FSTL4: variants seen among roughly 807,000 people sequenced by gnomAD.
The protein encoded by FSTL4 is follistatin-related protein 4.
In FSTL4, 28 loss-of-function variants were observed where a neutral mutation model predicts 78.2. That is an observed-to-expected ratio of 0.36 (90% CI 0.27 to 0.49). The LOEUF (loss-of-function observed/expected upper bound fraction) is 0.49, where lower values mean the gene tolerates loss of function less well. Among genes scored for constraint, FSTL4 ranks in the 20% least tolerant of loss-of-function variants. The pLI, the probability that FSTL4 is intolerant of heterozygous loss-of-function variation, is 0.98. For synonymous variants in FSTL4, 422 were observed against 440.5 expected (o/e 0.96, Z 0.53); for missense variants, 922 against 1,084.9 (o/e 0.85, Z 2.11).
the FSTL4 span, among the ~76,000 whole-genome samples, chr5:133,839,648 G>A: frequency 6.6e-6 from 1 of 152,172 alleles, no homozygotes; most frequent in African/African-American, 2.4e-5. Context: ...GCTCTTGCGG[G>A]ACTGTGGAGC....
chr5:133,611,855 C>A lies in FSTL4; in HGVS notation c.-11+470G>T, dbSNP rs1761101597. On this transcript the variant is annotated intron_variant, in intron 1 of 15. Transcript: ENST00000265342. This position sits in a 1 kb window ranked among gnomAD's most constrained non-coding sequence, Gnocchi z 4.9. Reference sequence around the variant, plus strand: ...GTGCTGAGAATGCCTGCCCGGCGCCCCAACCCGGAGCCAAGGGCACCGGGC... The same window carrying A: ...GTGCTGAGAATGCCTGCCCGGCGCCACAACCCGGAGCCAAGGGCACCGGGC... Among the ~76,000 whole-genome samples the A allele has an allele frequency of 1.3e-5, 2 of 152,108 alleles. No individual in the cohort carries two copies. The highest frequency in any genetic ancestry group is 1.3e-4 in the Admixed American group (2 of 15,286).
intron 4 of FSTL4, among the ~76,000 whole-genome samples, chr5:133,385,933 GT>G (rs945859579): frequency 4.0e-5 from 6 of 151,352 alleles, no homozygotes; most frequent in African/African-American, 1.5e-4. Flanking sequence ...ATGTGTGTGT[GT>G]TTTTTTTTTA....
chr5:133,651,882 G>C, the FSTL4 span, among the ~76,000 whole-genome samples: 1 of 152,068 alleles, frequency 6.6e-6, no homozygotes, highest in Non-Finnish European at 1.5e-5. Context: ...TTAAATGTTT[G>C]ATAGAATTCA....
Position 133,249,441 on chromosome 5 carries a change from G to A in FSTL4, c.863C>T (p.Thr288Ile). 6.2e-7 allele frequency: 1 copy of A among 1,614,012 alleles called. No individual in the cohort carries two copies. The highest frequency in any genetic ancestry group is 1.7e-5 in the Admixed American group (1 of 60,032). The change falls in exon 7 of 16, where the codon ACC (threonine) becomes ATC (isoleucine). Residue 288 changes from threonine to isoleucine, a missense_variant. Coordinates refer to ENST00000265342, the MANE Select transcript of FSTL4 (RefSeq NM_015082.2). ...GTCTTCCAAGTCCAGGAAGTTCAGG[G>A]TGAGCCCGTTGCGCTTCCAGATGAT... ...PPIIWKRNGL[T>I]LNFLDLEDIN...
At chr5:133,833,375 T>G in the FSTL4 span, among the ~76,000 whole-genome samples, 1 of 152,254 alleles carries the variant, frequency 6.6e-6, no homozygotes, top group Non-Finnish European at 1.5e-5. Flanking sequence ...TACTTTATTT[T>G]TTGTAGTACC....
intron 6 of FSTL4, among the ~76,000 whole-genome samples, chr5:133,277,871 A>G (rs1196640272): frequency 6.6e-6 from 1 of 152,216 alleles, no homozygotes; most frequent in Non-Finnish European, 1.5e-5. Context: ...GATAAAGAAC[A>G]GCCAGTCCGG....
chr5:133,556,004 C>T (rs1003865475), intron 3 of FSTL4, among the ~76,000 whole-genome samples: 1 of 152,196 alleles, frequency 6.6e-6, no homozygotes, highest in Admixed American at 6.5e-5. Flanking sequence ...TTGGGGTTCT[C>T]TACTCCCCTT....
At chr5:133,526,726 G>C (rs577234648) in intron 3 of FSTL4, among the ~76,000 whole-genome samples, 1 of 152,148 alleles carries the variant, frequency 6.6e-6, no homozygotes, top group Non-Finnish European at 1.5e-5. Flanking sequence ...GGGAGCTGGG[G>C]ATGAGGACTT....
At chr5:133,616,302 A>AAAATCT (rs1761196065), upstream of FSTL4, among the ~76,000 whole-genome samples, 1 of 135,104 alleles carries the variant, frequency 7.4e-6, no homozygotes, top group Non-Finnish European at 1.6e-5. Flanking sequence ...AAATAATGTG[A>AAAATCT]AAATCTAAAT....
At chr5:133,313,956 A>G (rs1753844981) in intron 5 of FSTL4, among the ~76,000 whole-genome samples, 2 of 152,116 alleles carry the variant, frequency 1.3e-5, no homozygotes, top group Non-Finnish European at 2.9e-5. Context: ...GACTTTAACT[A>G]TATTAAATTT....
At chr5:133,493,439 G>C (rs187208055) in intron 3 of FSTL4, among the ~76,000 whole-genome samples, 1 of 152,306 alleles carries the variant, frequency 6.6e-6, no homozygotes, top group Non-Finnish European at 1.5e-5. Flanking sequence ...TAAATTCAAT[G>C]TGGTTCAAAG....
At chr5:133,592,386 A>G (rs902656486) in intron 2 of FSTL4, among the ~76,000 whole-genome samples, 1 of 152,242 alleles carries the variant, frequency 6.6e-6, no homozygotes, top group African/African-American at 2.4e-5. Flanking sequence ...CTTTACTTGT[A>G]ACACAAGAAC....
chr5:133,766,460 A>G, the FSTL4 span, among the ~76,000 whole-genome samples: 1 of 152,236 alleles, frequency 6.6e-6, no homozygotes, highest in African/African-American at 2.4e-5. Context: ...GTATTTTCCT[A>G]TCCCCATAGA....
intron 3 of FSTL4, among the ~76,000 whole-genome samples, chr5:133,546,544 G>A (rs1759577675): frequency 6.7e-6 from 1 of 149,950 alleles, no homozygotes; most frequent in South Asian, 2.1e-4. Flanking sequence ...GTGAAAAAGT[G>A]TGTTCAGGAG....
chr5:133,264,274 T>C (rs1412932771), intron 6 of FSTL4, among the ~76,000 whole-genome samples: 1 of 152,178 alleles, frequency 6.6e-6, no homozygotes, highest in Non-Finnish European at 1.5e-5. Context: ...TGCACACCCT[T>C]AAAATAAATA....
chr5:133,521,733 G>T (rs1758985640), intron 3 of FSTL4, among the ~76,000 whole-genome samples: 1 of 151,930 alleles, frequency 6.6e-6, no homozygotes, highest in East Asian at 1.9e-4. Flanking sequence ...TCTTTATTTG[G>T]CTATTAATGT....
the FSTL4 span, among the ~76,000 whole-genome samples, chr5:133,678,864 A>T: frequency 6.6e-6 from 1 of 152,118 alleles, no homozygotes; most frequent in Admixed American, 6.5e-5. Context: ...GAAGAGCAGG[A>T]GCCAGCAAAG....
At chr5:133,685,281 C>T in the FSTL4 span, among the ~76,000 whole-genome samples, 1 of 152,192 alleles carries the variant, frequency 6.6e-6, no homozygotes, top group Non-Finnish European at 1.5e-5. Flanking sequence ...ATGACAAACC[C>T]TTCCCCATTC....
At chr5:133,317,562 T>G (rs1250019357) in intron 4 of FSTL4, among the ~76,000 whole-genome samples, 2 of 152,240 alleles carry the variant, frequency 1.3e-5, no homozygotes, top group Non-Finnish European at 2.9e-5. Flanking sequence ...AGCCTGGGGC[T>G]CTTCTCCTTA....
Sources: allele counts gnomAD v4.1 joint callset (sites outside exome capture counted in the v4.1 genomes callset), GRCh38; gene constraint gnomAD v4.1.1; non-coding constraint Gnocchi (gnomAD v3.1); transcripts MANE v1.5; gene names NCBI Gene and HGNC (gene_info 2026-07-23, HGNC 2026-07-21).